The following CRPPA variants were observed in gnomAD, a reference collection of about 807,000 sequenced individuals.
CRPPA encodes D-ribitol-5-phosphate cytidylyltransferase.
CRPPA carries 43 observed loss-of-function variants against 52.0 expected under a neutral mutation model. The observed-to-expected ratio is 0.83, with a 90% confidence interval of 0.65 to 1.07. The LOEUF is 1.07. Among genes scored for constraint, CRPPA ranks in the 50% least tolerant of loss-of-function variants. The probability of loss-of-function intolerance (pLI) is 0.00; values close to 1 mark genes in which losing one functional copy is unlikely to be tolerated. For missense variants in CRPPA, 629 were observed against 551.7 expected (o/e 1.14, Z -1.40); for synonymous variants, 250 against 203.5 (o/e 1.23, Z -1.94).
At chr7:16,397,447 A>C (rs1431767565) in intron 2 of CRPPA, among the ~76,000 whole-genome samples, 1 of 152,174 alleles carries the variant, frequency 6.6e-6, no homozygotes, top group Admixed American at 6.5e-5. Flanking sequence ...GTGATGTAAC[A>C]GACGTGACAC....
chr7:16,292,916 T>C (rs1273688080), intron 5 of CRPPA, among the ~76,000 whole-genome samples: 1 of 151,914 alleles, frequency 6.6e-6, no homozygotes, highest in East Asian at 1.9e-4. Context: ...TACTGTCCTC[T>C]ATAGACAGAA....
At chr7:16,327,820 A>T (rs1309109420) in intron 3 of CRPPA, among the ~76,000 whole-genome samples, 1 of 152,106 alleles carries the variant, frequency 6.6e-6, no homozygotes, top group African/African-American at 2.4e-5. Context: ...CTTTAGTAAT[A>T]AAGGGGCAAC....
In CRPPA at chr7:16,213,981, T is replaced by C. The variant is rs527348507; in HGVS notation, c.1251+2085A>G. ...AATTTTAAAACATTCCAAATTATTT[T>C]ACATGAGTTACTGAGCATTGGATAA... On this transcript the variant is annotated intron_variant, in intron 9 of 9. Transcript: ENST00000407010. Among the ~76,000 whole-genome samples, 108 of 152,304 alleles carry C rather than the reference T, an allele frequency of 7.1e-4. 1 individual carries two copies. In the South Asian group the frequency reaches 0.014, roughly 20 times the overall value.
intron 3 of CRPPA, among the ~76,000 whole-genome samples, chr7:16,340,616 GA>G (rs869043539): frequency 4.0e-4 from 15 of 37,506 alleles, no homozygotes; most frequent in African/African-American, 9.0e-4. Flanking sequence ...AAAAAAAAAA[GA>G]AAAAAAAAAC....
chr7:16,319,320 G>C (rs995575957), intron 3 of CRPPA, among the ~76,000 whole-genome samples: 2 of 152,040 alleles, frequency 1.3e-5, no homozygotes, highest in African/African-American at 4.8e-5. Flanking sequence ...GGTCACCCTT[G>C]AAGTCCTCTG....
chr7:16,329,183 C>G (rs745518578), intron 3 of CRPPA, among the ~76,000 whole-genome samples: 4 of 152,136 alleles, frequency 2.6e-5, no homozygotes, highest in Admixed American at 6.5e-5. Context: ...CGGGCTTGTT[C>G]AAGACCCCAC....
At chr7:16,319,362 C>T (rs1446750020) in intron 3 of CRPPA, among the ~76,000 whole-genome samples, 1 of 152,092 alleles carries the variant, frequency 6.6e-6, no homozygotes, top group East Asian at 1.9e-4. Flanking sequence ...GTCTTCTCTG[C>T]CAGTCATTCA....
intron 5 of CRPPA, among the ~76,000 whole-genome samples, chr7:16,281,160 T>C (rs1784313965): frequency 6.6e-6 from 1 of 152,328 alleles, no homozygotes; most frequent in East Asian, 1.9e-4. Context: ...TTGAGTTTGG[T>C]ATAGAAATGA....
chr7:16,094,919 A>G (rs1781907357), intron 9 of CRPPA, among the ~76,000 whole-genome samples: 1 of 152,134 alleles, frequency 6.6e-6, no homozygotes, highest in African/African-American at 2.4e-5. Flanking sequence ...GAAGAGAACT[A>G]AAAGTAACAT....
At chr7:16,305,624 T>C (rs1004500796) in intron 4 of CRPPA, among the ~76,000 whole-genome samples, 4 of 152,106 alleles carry the variant, frequency 2.6e-5, no homozygotes, top group African/African-American at 9.7e-5. Flanking sequence ...TCCCAGCACT[T>C]TGGGAGGCCA....
intron 5 of CRPPA, among the ~76,000 whole-genome samples, chr7:16,280,903 C>T (rs1784307373): frequency 6.6e-6 from 1 of 151,992 alleles, no homozygotes; most frequent in South Asian, 2.1e-4. Context: ...TCCTGTAGTC[C>T]CAGCTACGCA....
chr7:16,331,032 C>T (rs991335470), intron 3 of CRPPA, among the ~76,000 whole-genome samples: 6 of 152,152 alleles, frequency 3.9e-5, no homozygotes, highest in African/African-American at 1.4e-4. Context: ...TGGAGTCTCG[C>T]TCTGACGCCC....
chr7:16,355,734 A>G (rs1194325724), intron 3 of CRPPA, among the ~76,000 whole-genome samples: 1 of 152,198 alleles, frequency 6.6e-6, no homozygotes, highest in Non-Finnish European at 1.5e-5. Flanking sequence ...GCATCTACCA[A>G]CACTGACTGA....
rs572448398 is a variant in CRPPA at position 16,393,406 on chromosome 7, G to A, written c.534+12655C>T. ...CAGGGTACGAAAACAGACCAACAGC[G>A]TGGAAGAGAGTCCCAACAGACCCAT... is the stretch of plus-strand genomic sequence containing the variant. On this transcript the variant is annotated intron_variant, in intron 2 of 9. Transcript: ENST00000407010. 7.9e-5 allele frequency among the ~76,000 whole-genome samples: 12 copies of A among 152,206 alleles called. No individual in the cohort carries two copies. In the East Asian group the frequency reaches 1.5e-3, roughly 20 times the overall value.
At chr7:16,286,066 T>TAAAATATAAAAAA (rs1562608529) in intron 5 of CRPPA, among the ~76,000 whole-genome samples, 1 of 25,842 alleles carries the variant, frequency 3.9e-5, no homozygotes, top group Non-Finnish European at 6.9e-5. Context: ...TATATATATA[T>TAAAATATAAAAAA]ATATATATAT....
intron 8 of CRPPA, among the ~76,000 whole-genome samples, chr7:16,257,911 T>C (rs527410700): frequency 3.9e-5 from 6 of 152,118 alleles, no homozygotes; most frequent in African/African-American, 1.2e-4. Flanking sequence ...AAATTTTTCA[T>C]AGGCCATTCT....
chr7:16,369,765 A>G (rs759748496), intron 3 of CRPPA, among the ~76,000 whole-genome samples: 9 of 151,706 alleles, frequency 5.9e-5, no homozygotes, highest in South Asian at 2.1e-4. Flanking sequence ...TCACATTGTG[A>G]TTTTTTTTTC....
At chr7:16,227,398 C>T (rs1027388096) in intron 8 of CRPPA, among the ~76,000 whole-genome samples, 1 of 151,768 alleles carries the variant, frequency 6.6e-6, no homozygotes, top group African/African-American at 2.4e-5. Context: ...CTTGTCAACA[C>T]TTATCTTTGT....
At chr7:16,222,011 G>A (rs1380809262) in intron 8 of CRPPA, among the ~76,000 whole-genome samples, 4 of 151,382 alleles carry the variant, frequency 2.6e-5, no homozygotes, top group Non-Finnish European at 4.4e-5. Flanking sequence ...GTTTATTGTG[G>A]CATTATTCAC....
Sources: gnomAD v4.1 joint callset for allele counts (sites outside exome capture counted in the v4.1 genomes callset) on GRCh38, gnomAD v4.1.1 for gene constraint, MANE v1.5 for transcripts, NCBI Gene and HGNC (gene_info 2026-07-23, HGNC 2026-07-21) for gene names.